Variants in EED observed in about 807,000 individuals in gnomAD.
The protein encoded by EED is embryonic ectoderm development.
A neutral mutation model predicts 61.0 loss-of-function variants in EED; 9 were observed. The ratio of observed to expected loss-of-function variants is 0.15; its 90% CI spans 0.09 to 0.26. The LOEUF (loss-of-function observed/expected upper bound fraction) is 0.26. EED is among the 10% of genes least tolerant of loss of function. The pLI is 1.00. For synonymous variants in EED, 187 were observed against 174.4 expected, an observed-to-expected ratio of 1.07 and a Z score of -0.57; for missense variants, 315 against 542.3, an observed-to-expected ratio of 0.58 and a Z score of 4.16.
At chr11:86,256,285 T>G in intron 4 of EED, 102 bp from the exon 5 acceptor site, 1 of 1,146,738 alleles carries the variant, frequency 8.7e-7, no homozygotes, top group Non-Finnish European at 1.2e-6. Context: ...ATTGAGAACT[T>G]TGGTGTCAAA....
chr11:86,263,448 C>G (rs540525202), intron 6 of EED, among the ~76,000 whole-genome samples: 1 of 152,352 alleles, frequency 6.6e-6, no homozygotes, highest in Admixed American at 6.5e-5. Flanking sequence ...TACCAACATT[C>G]TGTCTGAGTC....
At chr11:86,274,045 G>A (rs573884060) in intron 9 of EED, among the ~76,000 whole-genome samples, 1 of 151,046 alleles carries the variant, frequency 6.6e-6, no homozygotes, top group Non-Finnish European at 1.5e-5. Flanking sequence ...CTCATTTTGG[G>A]ACTCTGATTA....
intron 7 of EED, chr11:86,264,471 A>C (rs1392071965): frequency 7.8e-6 from 3 of 386,184 alleles, no homozygotes; most frequent in African/African-American, 6.2e-5. Context: ...AATTACTTGC[A>C]CTGTATACCA....
intron 6 of EED, 37 bp from the exon 7 acceptor site, chr11:86,264,135 A>C (rs756861839): frequency 5.3e-6 from 8 of 1,522,686 alleles, no homozygotes; most frequent in Admixed American, 3.4e-5. Flanking sequence ...CACAGTAAAT[A>C]AAAAACATTC....
At chr11:86,257,828 A>G (rs574103018) in intron 6 of EED, among the ~76,000 whole-genome samples, 2 of 152,348 alleles carry the variant, frequency 1.3e-5, no homozygotes, top group South Asian at 4.1e-4. Flanking sequence ...TGAGACTGGC[A>G]TCACCCTTGT....
In EED at chr11:86,245,197, A is replaced by G. The variant is rs1361535602; in HGVS notation, c.-33A>G. 1.9e-6 allele frequency: 3 copies of G among 1,577,464 alleles called. No homozygotes were observed. Among genetic ancestry groups the G allele is most frequent in the East Asian group, 2.3e-5 (1 of 43,248 alleles). On this transcript the variant is annotated 5_prime_UTR_variant, in exon 1 of 12. Coordinates refer to ENST00000263360, the MANE Select transcript of EED (RefSeq NM_003797.5). ...GGCGGTGTGGCGGAGGCCCCGCCCC[A>G]GGCGGCAGGAACCTGGAGGGAGGCG...
At chr11:86,260,246 G>A (rs1945792345) in intron 6 of EED, among the ~76,000 whole-genome samples, 1 of 151,806 alleles carries the variant, frequency 6.6e-6, no homozygotes, top group African/African-American at 2.4e-5. Context: ...TACTGTTTTA[G>A]AGACAGGATC....
intron 9 of EED, chr11:86,270,033 T>C (rs2138210929): frequency 1.5e-6 from 1 of 664,806 alleles, no homozygotes; most frequent in East Asian, 2.8e-5. Context: ...ATTGCTGGGT[T>C]GTGGTTAAGT....
intron 9 of EED, among the ~76,000 whole-genome samples, chr11:86,270,947 T>C (rs1250730884): frequency 6.6e-6 from 1 of 152,216 alleles, no homozygotes; most frequent in Non-Finnish European, 1.5e-5. Context: ...TGGAATCTGA[T>C]AGATTTTTCC....
chr11:86,258,151 A>G (rs1253106936), intron 6 of EED, among the ~76,000 whole-genome samples: 1 of 141,350 alleles, frequency 7.1e-6, no homozygotes, highest in Admixed American at 7.0e-5. Context: ...TTCTAAGGAA[A>G]TAAAGCCAAA....
chr11:86,259,899 G>C (rs1945784096), intron 6 of EED, among the ~76,000 whole-genome samples: 1 of 152,162 alleles, frequency 6.6e-6, no homozygotes, highest in Non-Finnish European at 1.5e-5. Context: ...AGACACTGCT[G>C]GTGGGAATGT....
intron 3 of EED, among the ~76,000 whole-genome samples, chr11:86,254,161 A>G (rs1325344174): frequency 6.6e-6 from 1 of 151,724 alleles, no homozygotes; most frequent in Non-Finnish European, 1.5e-5. Context: ...TATGCAACAA[A>G]TGAAAAAGGC....
chr11:86,264,480 C>T (rs1945924129), intron 7 of EED: 1 of 368,338 alleles, frequency 2.7e-6, no homozygotes, highest in South Asian at 1.1e-4. Context: ...CACTGTATAC[C>T]AATCCCTGGA....
intron 6 of EED, among the ~76,000 whole-genome samples, chr11:86,259,522 AC>A: frequency 6.6e-6 from 1 of 151,976 alleles, no homozygotes; most frequent in Non-Finnish European, 1.5e-5. Context: ...TCCCTGTGTT[AC>A]CTAGACTGGT....
intron 3 of EED, among the ~76,000 whole-genome samples, chr11:86,253,092 A>G (rs758492663): frequency 2.0e-5 from 3 of 152,326 alleles, no homozygotes; most frequent in East Asian, 3.9e-4. Context: ...TAGGCCTTTT[A>G]CTATTTGACA....
intron 11 of EED, 44 bp downstream of exon 11, chr11:86,278,035 C>T (rs745706811): frequency 4.7e-6 from 7 of 1,480,492 alleles, no homozygotes; most frequent in Non-Finnish European, 6.3e-6. Context: ...GGCTTTTTCT[C>T]CACACTTGTA....
intron 9 of EED, chr11:86,269,947 T>C: frequency 1.8e-6 from 1 of 557,394 alleles, no homozygotes; most frequent in Non-Finnish European, 3.2e-6. Flanking sequence ...CAAATAAAGC[T>C]GCTAATCAGC....
intron 9 of EED, among the ~76,000 whole-genome samples, chr11:86,273,796 ATG>A (rs1351643182): frequency 2.0e-5 from 3 of 152,150 alleles, no homozygotes; most frequent in Non-Finnish European, 2.9e-5. Flanking sequence ...TGTAGGTAAG[ATG>A]TTCTTTCTGT....
At chr11:86,245,597 G>T (rs1275584154) in intron 1 of EED, among the ~76,000 whole-genome samples, 3 of 151,888 alleles carry the variant, frequency 2.0e-5, no homozygotes, top group Non-Finnish European at 4.4e-5. Context: ...AAATCAGTTT[G>T]CATGTGATGG....
Sources: allele counts gnomAD v4.1 joint callset (sites outside exome capture counted in the v4.1 genomes callset), GRCh38; gene constraint gnomAD v4.1.1; transcripts MANE v1.5; gene names NCBI Gene and HGNC (gene_info 2026-07-23, HGNC 2026-07-21).